BRI3: variants seen among roughly 807,000 people sequenced by gnomAD.
The protein encoded by BRI3 is brain protein I3.
BRI3 carries 6 observed loss-of-function variants against 12.8 expected under a neutral mutation model. That is an observed-to-expected ratio of 0.47 (90% CI 0.26 to 0.93). The LOEUF (loss-of-function observed/expected upper bound fraction) is 0.93, where lower values mean the gene tolerates loss of function less well. Ranked by LOEUF, BRI3 falls within the 40% of genes least tolerant of loss-of-function variation. The pLI, the probability that BRI3 is intolerant of heterozygous loss-of-function variation, is 0.15. For synonymous variants in BRI3, 91 were observed against 76.1 expected (o/e 1.20, Z -1.02); for missense variants, 134 against 171.1 (o/e 0.78, Z 1.21).
chr7:98,319,724 T>A, the BRI3 span, among the ~76,000 whole-genome samples: 1 of 152,014 alleles, frequency 6.6e-6, no homozygotes, highest in Non-Finnish European at 1.5e-5. Context: ...TTTTTTTTTG[T>A]ATTTTGAGTA....
chr7:98,289,502 C>T (rs989573054), intron 2 of BRI3, among the ~76,000 whole-genome samples: 11 of 152,242 alleles, frequency 7.2e-5, no homozygotes. Flanking sequence ...CTTAGCAAGG[C>T]ACAGGTAGTC....
chr7:98,306,782 A>G (rs1311487437), intron 1 of BRI3: 1 of 455,836 alleles, frequency 2.2e-6, no homozygotes, highest in Non-Finnish European at 4.0e-6. Context: ...ATCATAGCTC[A>G]CAGCAGCCTC....
At chr7:98,285,126 CAGAG>C (rs140694442) in intron 2 of BRI3, among the ~76,000 whole-genome samples, 19 of 152,260 alleles carry the variant, frequency 1.2e-4, no homozygotes, top group African/African-American at 3.4e-4. Flanking sequence ...TGGGGGTGAC[CAGAG>C]AGAGAGGAAA....
chr7:98,319,548 C>CTTT, the BRI3 span, among the ~76,000 whole-genome samples: 8 of 138,548 alleles, frequency 5.8e-5, no homozygotes, highest in East Asian at 2.1e-4. Context: ...TTTCCTATGC[C>CTTT]TTTTTTTTTT....
At chr7:98,306,793 G>T in intron 1 of BRI3, 1 of 427,370 alleles carries the variant, frequency 2.3e-6, no homozygotes, top group South Asian at 2.4e-5. Context: ...CAGCAGCCTC[G>T]AACTCATGGG....
the BRI3 span, among the ~76,000 whole-genome samples, chr7:98,322,013 T>C: frequency 6.6e-6 from 1 of 152,074 alleles, no homozygotes; most frequent in Admixed American, 6.6e-5. Flanking sequence ...GGAGAACTGC[T>C]TGAACCTGGG....
downstream of BRI3, among the ~76,000 whole-genome samples, chr7:98,297,115 G>A (rs1800224968): frequency 6.6e-6 from 1 of 152,246 alleles, no homozygotes; most frequent in African/African-American, 2.4e-5. Context: ...GAGAGTGGTT[G>A]GGCTGCAACT....
downstream of BRI3, among the ~76,000 whole-genome samples, chr7:98,314,985 T>TGGA (rs1248413451): frequency 2.0e-5 from 3 of 152,264 alleles, no homozygotes; most frequent in East Asian, 5.8e-4. Context: ...TTTGACCATT[T>TGGA]CAGCTGTATT....
intron 2 of BRI3, among the ~76,000 whole-genome samples, chr7:98,286,788 C>T (rs568065190): frequency 3.9e-5 from 6 of 152,354 alleles, no homozygotes; most frequent in South Asian, 2.1e-4. Flanking sequence ...AATATTTCTG[C>T]AGCAAGACAT....
At chr7:98,302,319 T>A (rs888813900), upstream of BRI3, among the ~76,000 whole-genome samples, 2 of 152,222 alleles carry the variant, frequency 1.3e-5, no homozygotes, top group African/African-American at 4.8e-5. Flanking sequence ...TTGGCCAAAG[T>A]GTCAGTGCTC....
downstream of BRI3, among the ~76,000 whole-genome samples, chr7:98,311,214 T>C (rs954401965): frequency 5.9e-5 from 9 of 152,146 alleles, no homozygotes; most frequent in African/African-American, 2.2e-4. Flanking sequence ...ACTTCCTTAC[T>C]TGGGAGTAAA....
In BRI3 at chr7:98,289,657, G is replaced by T. The variant is rs181923836; in HGVS notation, c.246-1454G>T. 1.1e-3 allele frequency among the ~76,000 whole-genome samples: 173 copies of T among 152,340 alleles called. 2 individuals carry two copies. Among genetic ancestry groups the T allele is most frequent in the African/African-American group, 4.0e-3 (168 of 41,578 alleles). The stretch of plus-strand genomic sequence containing the variant: ...CACTCCAGCACTGGCTGGATGGGGG[G>T]TTTGGGCCCCCAGGAGGCCCAGAAG... On this transcript the variant is annotated intron_variant, in intron 2 of 2. Coordinates refer to ENST00000297290, the MANE Select transcript of BRI3 (RefSeq NM_015379.5).
At chr7:98,299,381 C>T (rs1420962128) in intron 1 of BRI3, among the ~76,000 whole-genome samples, 1 of 152,116 alleles carries the variant, frequency 6.6e-6, no homozygotes, top group Admixed American at 6.5e-5. Context: ...TGATCTGGAA[C>T]TCCTAGGCTC....
the BRI3 span, chr7:98,323,373 T>C: frequency 2.6e-5 from 4 of 152,208 alleles, no homozygotes; most frequent in Admixed American, 2.0e-4. Context: ...TCAGACACTC[T>C]ATTCTTGGCA....
At chr7:98,319,859 T>G in the BRI3 span, among the ~76,000 whole-genome samples, 10 of 152,094 alleles carry the variant, frequency 6.6e-5, no homozygotes, top group Admixed American at 2.0e-4. Context: ...CCCCTATGCT[T>G]TCTAATAAGA....
Position 98,289,266 on chromosome 7 carries a change from TTTC to T in BRI3, c.246-1844_246-1842del, listed in dbSNP as rs539523711. 4.9e-3 allele frequency among the ~76,000 whole-genome samples: 746 copies of T among 152,364 alleles called. 3 individuals carry two copies. The highest frequency in any genetic ancestry group is 8.5e-3 in the Non-Finnish European group (575 of 68,036). On this transcript the variant is annotated intron_variant, in intron 2 of 2. Coordinates refer to ENST00000297290, the MANE Select transcript of BRI3 (RefSeq NM_015379.5). Reference sequence around the variant, plus strand: ...AGCCACTGCACTTTGCAACTTTTTCTTTCAGCAGTGGAAAGCCCGACTTCAGAA... The same window carrying T: ...AGCCACTGCACTTTGCAACTTTTTCTAGCAGTGGAAAGCCCGACTTCAGAA...
the BRI3 span, among the ~76,000 whole-genome samples, chr7:98,319,847 GGCCCCTAT>G: frequency 2.0e-5 from 3 of 152,152 alleles, no homozygotes; most frequent in Non-Finnish European, 2.9e-5. Flanking sequence ...CACCGCACCT[GGCCCCTAT>G]GCTTTCTAAT....
At chr7:98,288,486 C>T (rs527752103) in intron 2 of BRI3, among the ~76,000 whole-genome samples, 20 of 151,912 alleles carry the variant, frequency 1.3e-4, no homozygotes, top group African/African-American at 4.3e-4. Context: ...AAATAGGGGA[C>T]ACATTTGTAA....
chr7:98,320,032 G>C, the BRI3 span: 1 of 1,598,586 alleles, frequency 6.3e-7, no homozygotes. Flanking sequence ...CCCAAGGCTG[G>C]GGCTGGAGGA....
Sources: allele counts gnomAD v4.1 joint callset (sites outside exome capture counted in the v4.1 genomes callset), GRCh38; gene constraint gnomAD v4.1.1; transcripts MANE v1.5; gene names NCBI Gene and HGNC (gene_info 2026-07-23, HGNC 2026-07-21).